IL18RAP: variants seen among roughly 807,000 people sequenced by gnomAD.
The protein encoded by IL18RAP is interleukin-18 receptor accessory protein.
A neutral mutation model predicts 58.1 loss-of-function variants in IL18RAP; 37 were observed. The observed-to-expected ratio is 0.64, with a 90% confidence interval of 0.49 to 0.84. The LOEUF (loss-of-function observed/expected upper bound fraction) is 0.84, where lower values mean the gene tolerates loss of function less well. IL18RAP is among the 40% of genes least tolerant of loss of function. IL18RAP has a pLI of 0.00. For missense variants in IL18RAP, 667 were observed against 704.8 expected (o/e 0.95, Z 0.61); for synonymous variants, 268 against 257.5 (o/e 1.04, Z -0.39).
At chr2:102,451,127 TAC>T in intron 9 of IL18RAP, 106 bp downstream of exon 9, 2 of 875,616 alleles carry the variant, frequency 2.3e-6, no homozygotes, top group Non-Finnish European at 3.4e-6. Flanking sequence ...TCTGGGAGAT[TAC>T]ATGAGGTTAG....
Position 102,437,340 on chromosome 2 carries a change from T to C in IL18RAP, c.708T>C (p.Ala236=), listed in dbSNP as rs764161664. 47 of 1,613,448 alleles carry C rather than the reference T, an allele frequency of 2.9e-5. 1 individual carries two copies. In the South Asian group the frequency reaches 4.3e-4, roughly 15 times the overall value. The part of the protein sequence containing the change: ...SDTVSSWTVR[A]VVQVRTIVGD... Reference sequence around the variant, plus strand: ...CTGTGAGTTCGTGGACAGTCAGAGCTGTTGTTCAAGTGAGAACCATTGGTA... The same window carrying C: ...CTGTGAGTTCGTGGACAGTCAGAGCCGTTGTTCAAGTGAGAACCATTGGTA... The change falls in exon 4 of 10, where the codon GCT becomes GCC. Residue 236 remains alanine, a synonymous_variant. Transcript: ENST00000687160.
intron 3 of IL18RAP, among the ~76,000 whole-genome samples, chr2:102,429,622 T>C (rs1682202396): frequency 7.0e-6 from 1 of 142,614 alleles, no homozygotes; most frequent in African/African-American, 2.7e-5. Context: ...TTGGGCTTCA[T>C]TTATTACCCT....
chr2:102,439,184 G>A (rs4851009), intron 4 of IL18RAP: 117,903 of 152,160 alleles, frequency 0.77, 46,698 homozygotes, highest in African/African-American at 0.9. Flanking sequence ...GGAGAATGTC[G>A]TGACTGAATT....
intron 6 of IL18RAP, 43 bp downstream of exon 6, chr2:102,443,366 G>A (rs1395081225): frequency 1.9e-6 from 3 of 1,598,000 alleles, no homozygotes; most frequent in Middle Eastern, 3.4e-4. Context: ...CAATTCAGAA[G>A]AGATACTTCT....
intron 4 of IL18RAP, among the ~76,000 whole-genome samples, chr2:102,440,783 G>C (rs1028469050): frequency 6.6e-6 from 1 of 152,196 alleles, no homozygotes; most frequent in Non-Finnish European, 1.5e-5. Context: ...TCAGGAGGAA[G>C]TTTGACAGTG....
chr2:102,447,668 A>G (rs1683510641), intron 8 of IL18RAP, among the ~76,000 whole-genome samples: 1 of 152,072 alleles, frequency 6.6e-6, no homozygotes, highest in Non-Finnish European at 1.5e-5. Flanking sequence ...GTGAGGGCTC[A>G]CTGATGTATT....
At chr2:102,451,215 G>A (rs1683743971) in intron 9 of IL18RAP, among the ~76,000 whole-genome samples, 194 bp downstream of exon 9, 1 of 152,234 alleles carries the variant, frequency 6.6e-6, no homozygotes, top group Admixed American at 6.5e-5. Context: ...ATCTGCAGAA[G>A]AAGACAATCA....
At position 102,424,242 on chromosome 2, in the gene IL18RAP, A is replaced by G. The variant is rs11695455; in HGVS notation, c.407A>G (p.Asp136Gly). The change falls in exon 3 of 10, where the codon GAT becomes GGT. Residue 136 changes from aspartate (D) to glycine (G), a missense_variant. Transcript: ENST00000687160. ...CRPKMIKSPY[D>G]VACCVKMILE... Reference sequence around the variant, plus strand: ...TGTTAATTTCCTAGGAGCCCCTATGATGTAGCCTGTTGTGTCAAGATGATT... The same window carrying G: ...TGTTAATTTCCTAGGAGCCCCTATGGTGTAGCCTGTTGTGTCAAGATGATT... The G allele has an allele frequency of 5.4e-3, 8,787 of 1,614,026 alleles. 31 individuals are homozygous for G. The highest frequency in any genetic ancestry group is 6.7e-3 in the Non-Finnish European group (7,938 of 1,179,926).
At chr2:102,447,478 A>AT (rs1223088078) in intron 8 of IL18RAP, among the ~76,000 whole-genome samples, 4 of 152,034 alleles carry the variant, frequency 2.6e-5, no homozygotes, top group Admixed American at 6.5e-5. Context: ...AGAAACAATT[A>AT]TTTTTTTCAT....
chr2:102,423,425 C>T (rs757866157), intron 1 of IL18RAP, 78 bp downstream of exon 1: 63 of 1,152,184 alleles, frequency 5.5e-5, no homozygotes, highest in Non-Finnish European at 8.2e-5. Context: ...GATATATCAG[C>T]AGTGTGATAT....
chr2:102,420,116 G>A (rs1426290722), upstream of IL18RAP, among the ~76,000 whole-genome samples: 1 of 152,090 alleles, frequency 6.6e-6, no homozygotes, highest in Non-Finnish European at 1.5e-5. Flanking sequence ...ACACAGTGTG[G>A]GTGTGTTGTC....
intron 3 of IL18RAP, among the ~76,000 whole-genome samples, chr2:102,424,636 C>G (rs570309770): frequency 6.6e-6 from 1 of 152,236 alleles, no homozygotes; most frequent in South Asian, 2.1e-4. Flanking sequence ...TTGATCAACA[C>G]CAGAGAAACT....
At chr2:102,441,837 G>A (rs1683122869) in intron 5 of IL18RAP, among the ~76,000 whole-genome samples, 3 of 151,918 alleles carry the variant, frequency 2.0e-5, no homozygotes, top group African/African-American at 2.4e-5. Flanking sequence ...ACAGTGAGCC[G>A]AGATCGAGCC....
upstream of IL18RAP, among the ~76,000 whole-genome samples, chr2:102,420,866 A>G (rs1573254381): frequency 1.3e-5 from 2 of 152,166 alleles, no homozygotes. Flanking sequence ...ATAGATTGCT[A>G]TGTGTTTGTT....
intron 3 of IL18RAP, among the ~76,000 whole-genome samples, chr2:102,427,026 G>A (rs945140443): frequency 2.0e-5 from 3 of 151,940 alleles, no homozygotes; most frequent in Non-Finnish European, 2.9e-5. Context: ...TTCTGTGCCC[G>A]GCTTATTTCA....
At position 102,441,349 on chromosome 2, in the gene IL18RAP, T is replaced by G. The variant is rs747660220; in HGVS notation, c.768T>G (p.Pro256=). 5.0e-6 allele frequency: 8 copies of G among 1,613,446 alleles called. No individual in the cohort carries two copies. The East Asian group carries it at 1.8e-4, about 36-fold the overall frequency. ...DTKLKPDILD[P]VEDTLEVELG... The stretch of plus-strand genomic sequence containing the variant: ...AACTCAAACCAGATATTCTGGATCC[T>G]GTCGAGGACACACTGGAAGTAGAAC... Residue 256 remains proline (P), a synonymous_variant, in exon 5 of 10, where the codon CCT becomes CCG. Transcript: ENST00000687160.
At chr2:102,429,443 T>C (rs1265569492) in intron 3 of IL18RAP, among the ~76,000 whole-genome samples, 1 of 152,016 alleles carries the variant, frequency 6.6e-6, no homozygotes, top group Non-Finnish European at 1.5e-5. Context: ...TGATTTTATC[T>C]ATTTGAGTGT....
At chr2:102,444,358 C>G (rs13401597) in intron 6 of IL18RAP, among the ~76,000 whole-genome samples, 2,585 of 152,252 alleles carry the variant, frequency 0.017, 80 homozygotes, top group African/African-American at 0.058. Context: ...AACCCATTTT[C>G]TATCTGATGT....
At chr2:102,428,362 T>C (rs1682102517) in intron 3 of IL18RAP, among the ~76,000 whole-genome samples, 1 of 141,444 alleles carries the variant, frequency 7.1e-6, no homozygotes, top group South Asian at 2.2e-4. Flanking sequence ...TTGTGTTTTC[T>C]TCCATTCCTT....
Sources: allele counts gnomAD v4.1 joint callset (sites outside exome capture counted in the v4.1 genomes callset), GRCh38; gene constraint gnomAD v4.1.1; transcripts MANE v1.5; gene names NCBI Gene and HGNC (gene_info 2026-07-23, HGNC 2026-07-21).